The following CADPS variants were observed in gnomAD, a reference collection of about 807,000 sequenced individuals.
CADPS encodes calcium-dependent secretion activator 1.
Under a neutral mutation model 167.3 loss-of-function variants are expected in CADPS, and 57 were observed. The observed-to-expected ratio is 0.34, with a 90% CI of 0.28 to 0.42. The LOEUF (loss-of-function observed/expected upper bound fraction) is 0.42, where lower values mean the gene tolerates loss of function less well. Among genes scored for constraint, CADPS ranks in the 20% least tolerant of loss-of-function variants. The probability of loss-of-function intolerance (pLI) is 1.00; values close to 1 mark genes in which losing one functional copy is unlikely to be tolerated. For synonymous variants in CADPS, 676 were observed against 635.3 expected, an observed-to-expected ratio of 1.06 and a Z score of -0.96; for missense variants, 1,414 against 1,738.1, an observed-to-expected ratio of 0.81 and a Z score of 3.32.
chr3:62,546,736 C>T (rs2076514373), intron 11 of CADPS, among the ~76,000 whole-genome samples: 1 of 152,088 alleles, frequency 6.6e-6, no homozygotes, highest in African/African-American at 2.4e-5. Flanking sequence ...AGAGCATTTG[C>T]ATTATATCCA....
At chr3:62,542,112 A>G (rs1421750914) in intron 11 of CADPS, among the ~76,000 whole-genome samples, 1 of 152,160 alleles carries the variant, frequency 6.6e-6, no homozygotes, top group Non-Finnish European at 1.5e-5. Context: ...TTATGATTAT[A>G]TTACTAACAA....
chr3:62,747,063 T>C (rs1017819282), intron 3 of CADPS, among the ~76,000 whole-genome samples: 1 of 152,196 alleles, frequency 6.6e-6, no homozygotes, highest in Non-Finnish European at 1.5e-5. Context: ...TGGGCCATTG[T>C]ATGACAAAGT....
intron 13 of CADPS, among the ~76,000 whole-genome samples, chr3:62,525,899 A>T (rs146925524): frequency 6.6e-6 from 1 of 152,270 alleles, no homozygotes; most frequent in Non-Finnish European, 1.5e-5. Context: ...TCAATAGGGC[A>T]ATCATTGTGG....
intron 6 of CADPS, among the ~76,000 whole-genome samples, chr3:62,626,802 G>C (rs1027883494): frequency 2.3e-4 from 35 of 152,096 alleles, no homozygotes; most frequent in African/African-American, 8.0e-4. Flanking sequence ...AGTGAAAATA[G>C]ATTTAAAGAA....
intron 3 of CADPS, among the ~76,000 whole-genome samples, chr3:62,706,318 C>T (rs6445291): frequency 0.65 from 98,854 of 152,024 alleles, 32,485 homozygotes; most frequent in East Asian, 0.84. Context: ...TCTTTCTTTA[C>T]ACATGTATTG....
At chr3:62,819,509 G>A (rs2152923332) in intron 1 of CADPS, among the ~76,000 whole-genome samples, 1 of 151,306 alleles carries the variant, frequency 6.6e-6, no homozygotes, top group South Asian at 2.1e-4. Flanking sequence ...CCAAAGAAAG[G>A]CATGGCCCCC....
chr3:62,659,299 A>T (rs761534841), intron 4 of CADPS, among the ~76,000 whole-genome samples: 10 of 152,214 alleles, frequency 6.6e-5, no homozygotes, highest in Non-Finnish European at 1.2e-4. Flanking sequence ...ATATCTCTTC[A>T]TGAACTAGCC....
chr3:62,490,852 G>T (rs1250791634), intron 21 of CADPS, among the ~76,000 whole-genome samples: 1 of 152,106 alleles, frequency 6.6e-6, no homozygotes, highest in Non-Finnish European at 1.5e-5. Context: ...TTTACATACT[G>T]TCTATGACTG....
chr3:62,461,004 G>A (rs1432073594), intron 26 of CADPS, among the ~76,000 whole-genome samples: 2 of 152,180 alleles, frequency 1.3e-5, no homozygotes, highest in African/African-American at 4.8e-5. Context: ...AACTTGATAA[G>A]GTTCTGTCTG....
At chr3:62,597,274 G>A (rs2059066516) in intron 6 of CADPS, among the ~76,000 whole-genome samples, 1 of 152,154 alleles carries the variant, frequency 6.6e-6, no homozygotes. Context: ...TTGAGCCCAG[G>A]ACTTTGAGGT....
intron 6 of CADPS, among the ~76,000 whole-genome samples, chr3:62,629,673 C>T (rs564391330): frequency 1.3e-5 from 2 of 152,224 alleles, no homozygotes; most frequent in East Asian, 1.9e-4. Context: ...AATCAAAGAC[C>T]TTTCGTGTCC....
intron 3 of CADPS, among the ~76,000 whole-genome samples, chr3:62,683,030 C>G (rs1014193418): frequency 4.6e-5 from 7 of 151,980 alleles, no homozygotes; most frequent in Non-Finnish European, 1.0e-4. Context: ...GGCCTGTGGC[C>G]AGAGGAAATG....
chr3:62,667,893 G>A (rs1014231116), intron 3 of CADPS, among the ~76,000 whole-genome samples: 2 of 152,064 alleles, frequency 1.3e-5, no homozygotes, highest in Non-Finnish European at 2.9e-5. Flanking sequence ...CTGACCTCTA[G>A]GGGGATGAAG....
intron 1 of CADPS, among the ~76,000 whole-genome samples, chr3:62,800,473 A>G (rs2093695467): frequency 6.6e-6 from 1 of 152,164 alleles, no homozygotes; most frequent in Non-Finnish European, 1.5e-5. Context: ...CTTTTCCAGA[A>G]TCATGTAGAA....
chr3:62,817,948 C>A (rs1047567430), intron 1 of CADPS, among the ~76,000 whole-genome samples: 1 of 152,124 alleles, frequency 6.6e-6, no homozygotes, highest in Admixed American at 6.5e-5. Flanking sequence ...TGCTACAAAT[C>A]AACTCAAGGG....
intron 28 of CADPS, among the ~76,000 whole-genome samples, chr3:62,425,809 G>A (rs1193164494): frequency 6.6e-6 from 1 of 152,130 alleles, no homozygotes; most frequent in Non-Finnish European, 1.5e-5. Flanking sequence ...GTAAGTCAGG[G>A]ACACTCCCAA....
intron 2 of CADPS, among the ~76,000 whole-genome samples, chr3:62,755,526 TG>T (rs1321247691): frequency 1.3e-5 from 2 of 152,326 alleles, no homozygotes; most frequent in East Asian, 3.9e-4. Context: ...GAAATGCACT[TG>T]TTGGCCATGA....
intron 21 of CADPS, among the ~76,000 whole-genome samples, chr3:62,484,424 A>T (rs1407605887): frequency 6.6e-6 from 1 of 152,188 alleles, no homozygotes; most frequent in East Asian, 1.9e-4. Context: ...TACTTTGAAG[A>T]GGGCCTTTTT....
intron 10 of CADPS, among the ~76,000 whole-genome samples, chr3:62,553,591 A>T (rs142789360): frequency 0.01 from 1,569 of 152,340 alleles, 18 homozygotes; most frequent in African/African-American, 0.036. Flanking sequence ...TTAACAATAA[A>T]ATGAAGCCTA....
Sources: allele counts gnomAD v4.1 joint callset (sites outside exome capture counted in the v4.1 genomes callset), GRCh38; gene constraint gnomAD v4.1.1; transcripts MANE v1.5; gene names NCBI Gene and HGNC (gene_info 2026-07-23, HGNC 2026-07-21).